CWF19L2: variants seen among roughly 807,000 people sequenced by gnomAD.
The protein encoded by CWF19L2 is CWF19-like protein 2.
A neutral mutation model predicts 111.7 loss-of-function variants in CWF19L2; 98 were observed. That is an observed-to-expected ratio of 0.88 (90% CI 0.75 to 1.04). CWF19L2 has a LOEUF of 1.04. Among genes scored for constraint, CWF19L2 ranks in the 50% least tolerant of loss-of-function variants. CWF19L2 has a pLI of 0.00. For synonymous variants in CWF19L2, 351 were observed against 342.9 expected, an observed-to-expected ratio of 1.02 and a Z score of -0.26; for missense variants, 1,101 against 1,051.4, an observed-to-expected ratio of 1.05 and a Z score of -0.65.
At chr11:107,379,028 T>C (rs1188513409) in intron 12 of CWF19L2, among the ~76,000 whole-genome samples, 2 of 152,090 alleles carry the variant, frequency 1.3e-5, no homozygotes, top group African/African-American at 2.4e-5. Context: ...CACAATGGTA[T>C]AGGAAATACT....
intron 1 of CWF19L2, among the ~76,000 whole-genome samples, chr11:107,456,270 T>C (rs1216500508): frequency 6.6e-6 from 1 of 152,242 alleles, no homozygotes; most frequent in Non-Finnish European, 1.5e-5. Context: ...TCAATGATAG[T>C]CAAACAAAGC....
At chr11:107,454,135 TG>T (rs1420065177) in intron 3 of CWF19L2, among the ~76,000 whole-genome samples, 1 of 152,222 alleles carries the variant, frequency 6.6e-6, no homozygotes. Context: ...ACCTGCTGAT[TG>T]CAGAGCCCCA....
intron 10 of CWF19L2, among the ~76,000 whole-genome samples, chr11:107,406,242 A>G (rs1861075731): frequency 6.6e-6 from 1 of 152,246 alleles, no homozygotes; most frequent in Admixed American, 6.5e-5. Flanking sequence ...TTTTCCTATC[A>G]GTGGTCTACA....
At chr11:107,445,001 G>A (rs1489701385) in intron 3 of CWF19L2, among the ~76,000 whole-genome samples, 2 of 151,986 alleles carry the variant, frequency 1.3e-5, no homozygotes, top group East Asian at 1.9e-4. Context: ...GGTCTAAATG[G>A]GCTTATCTAA....
chr11:107,357,045 C>CAAAACAAAAACAAAAACA (rs60904777), intron 12 of CWF19L2, among the ~76,000 whole-genome samples: 21 of 151,078 alleles, frequency 1.4e-4, no homozygotes, highest in African/African-American at 4.9e-4. Context: ...TCTCAAACAA[C>CAAAACAAAAACAAAAACA]AAAACAAAAA....
At chr11:107,357,721 T>C (rs1331308916) in intron 12 of CWF19L2, among the ~76,000 whole-genome samples, 1 of 152,232 alleles carries the variant, frequency 6.6e-6, no homozygotes, top group Non-Finnish European at 1.5e-5. Context: ...TTTTACTCAT[T>C]ATCTTTTCTT....
intron 12 of CWF19L2, among the ~76,000 whole-genome samples, chr11:107,368,152 A>G (rs1860460368): frequency 7.6e-6 from 1 of 131,974 alleles, no homozygotes; most frequent in South Asian, 2.6e-4. Flanking sequence ...GATCAGTAAG[A>G]TAAAAAGTTG....
chr11:107,378,502 T>C (rs1303886003), intron 12 of CWF19L2, among the ~76,000 whole-genome samples: 1 of 152,100 alleles, frequency 6.6e-6, no homozygotes, highest in Non-Finnish European at 1.5e-5. Flanking sequence ...TCATTCTCAG[T>C]AAACTATTGC....
At chr11:107,384,326 T>C (rs555397458) in intron 12 of CWF19L2, among the ~76,000 whole-genome samples, 2 of 152,344 alleles carry the variant, frequency 1.3e-5, no homozygotes, top group East Asian at 3.9e-4. Flanking sequence ...ATCTTGGGGA[T>C]GGGACCTAAG....
chr11:107,341,258 G>A (rs1186043433), intron 14 of CWF19L2, among the ~76,000 whole-genome samples: 1 of 152,204 alleles, frequency 6.6e-6, no homozygotes, highest in Non-Finnish European at 1.5e-5. Flanking sequence ...GCCTTATGGA[G>A]AGAACAAACT....
chr11:107,344,312 A>G (rs987181760), intron 14 of CWF19L2, among the ~76,000 whole-genome samples: 2 of 152,036 alleles, frequency 1.3e-5, no homozygotes, highest in Non-Finnish European at 2.9e-5. Flanking sequence ...TCTTTAGTCA[A>G]AACTTCTTTC....
chr11:107,353,569 G>A lies in CWF19L2; in HGVS notation c.2040C>T (p.Asp680=), dbSNP rs199558505. 33 of 1,613,614 alleles carry A rather than the reference G, an allele frequency of 2.0e-5. No homozygotes were observed. Among genetic ancestry groups the A allele is most frequent in the Non-Finnish European group, 2.8e-5 (33 of 1,179,770 alleles). The change falls in exon 13 of 18, where the codon GAC becomes GAT. Residue 680 remains aspartate (D), a synonymous_variant. Transcript: ENST00000282251. ...TAAGATGCTTGGGAAATTGAGAGCT[G>A]TCAAAACAATACAGACATTTTTCCA... ...AQMEKCLYCF[D]SSQFPKHLIV...
intron 6 of CWF19L2, among the ~76,000 whole-genome samples, chr11:107,434,373 T>TTATTTTCTTCTTTACACATCACGC (rs1861510794): frequency 6.6e-6 from 1 of 152,166 alleles, no homozygotes; most frequent in Non-Finnish European, 1.5e-5. Context: ...TAAGCTGGCT[T>TTATTTTCTTCTTTACACATCACGC]TATTTTCTTC....
intron 12 of CWF19L2, among the ~76,000 whole-genome samples, chr11:107,357,348 A>G (rs1289099104): frequency 6.6e-6 from 1 of 152,248 alleles, no homozygotes; most frequent in Non-Finnish European, 1.5e-5. Flanking sequence ...GTGGGAACGC[A>G]GATATCTAGG....
At chr11:107,406,466 A>C (rs1425049033) in intron 10 of CWF19L2, among the ~76,000 whole-genome samples, 2 of 152,206 alleles carry the variant, frequency 1.3e-5, no homozygotes, top group African/African-American at 2.4e-5. Context: ...TGGACTGAAC[A>C]CCAAGCTACA....
chr11:107,379,536 T>C (rs1325827832), intron 12 of CWF19L2, among the ~76,000 whole-genome samples: 1 of 152,226 alleles, frequency 6.6e-6, no homozygotes, highest in African/African-American at 2.4e-5. Flanking sequence ...ATAACAACCA[T>C]CCACATGAGT....
chr11:107,442,821 G>C, intron 4 of CWF19L2, 118 bp downstream of exon 4: 2 of 443,406 alleles, frequency 4.5e-6, no homozygotes, highest in Non-Finnish European at 4.0e-6. Context: ...GGAGGGAGGG[G>C]GAGGGAGGGA....
chr11:107,426,617 T>C (rs566632529), intron 8 of CWF19L2, among the ~76,000 whole-genome samples: 1 of 151,776 alleles, frequency 6.6e-6, no homozygotes, highest in Non-Finnish European at 1.5e-5. Flanking sequence ...AGTTTTACAA[T>C]GGAGTATTAA....
intron 12 of CWF19L2, among the ~76,000 whole-genome samples, chr11:107,382,859 G>C (rs999116302): frequency 3.9e-5 from 6 of 152,196 alleles, no homozygotes; most frequent in Non-Finnish European, 8.8e-5. Flanking sequence ...TTTATTGTGG[G>C]TCTTAAGACC....
Sources: allele counts gnomAD v4.1 joint callset (sites outside exome capture counted in the v4.1 genomes callset), GRCh38; gene constraint gnomAD v4.1.1; transcripts MANE v1.5; gene names NCBI Gene and HGNC (gene_info 2026-07-23, HGNC 2026-07-21).